RABL2B: variants seen among roughly 807,000 people sequenced by gnomAD.
RABL2B encodes the protein rab-like protein 2B.
Under a neutral mutation model 26.7 loss-of-function variants are expected in RABL2B, and 17 were observed. That is an observed-to-expected ratio of 0.64 (90% CI 0.44 to 0.95). The LOEUF (loss-of-function observed/expected upper bound fraction) is 0.95. Ranked by LOEUF, RABL2B falls within the 40% of genes least tolerant of loss-of-function variation. The probability of loss-of-function intolerance (pLI) is 0.00; values close to 1 mark genes in which losing one functional copy is unlikely to be tolerated. For missense variants in RABL2B, 170 were observed against 277.2 expected (o/e 0.61, Z 2.75); for synonymous variants, 70 against 103.9 (o/e 0.67, Z 1.99).
At chr22:50,780,685 G>A in intron 2 of RABL2B, 1 of 470,870 alleles carries the variant, frequency 2.1e-6, no homozygotes, top group South Asian at 1.5e-5. Flanking sequence ...TACTGCTAGT[G>A]GATGAAGACT....
At chr22:50,777,480 G>A (rs1286082273) in intron 3 of RABL2B, among the ~76,000 whole-genome samples, 1 of 141,850 alleles carries the variant, frequency 7.0e-6, no homozygotes, top group Non-Finnish European at 1.5e-5. Flanking sequence ...TCCCAGTTGC[G>A]GGGAGGAACT....
rs782781902 is a variant in RABL2B, at chr22:50,768,057, A to T, written c.*719T>A. The T allele has an allele frequency of 9.0e-3, 2,163 of 239,212 alleles. 14 individuals are homozygous for T. Among genetic ancestry groups the T allele is most frequent in the Non-Finnish European group, 0.013 (1,597 of 119,242 alleles). 14.8% of individuals were successfully genotyped at this position (239,212 alleles called of 1,614,324 possible). A position where few individuals can be genotyped will look rare whatever the true frequency, so the allele number is the denominator to read the frequency against. On this transcript the variant is annotated 3_prime_UTR_variant, in exon 9 of 9. Transcript: ENST00000691320. ...ATCACGAGGTGAGGAGATCGAGACC[A>T]TCCTGGGCAACATGGTGAAACCCCG...
Position 50,774,682 on chromosome 22 carries a change from T to C in RABL2B, c.297+1090A>G, listed in dbSNP as rs191765239. Among the ~76,000 whole-genome samples the C allele has an allele frequency of 1.2e-3, 175 of 150,628 alleles. 6 individuals carry two copies. Among genetic ancestry groups the C allele is most frequent in the Middle Eastern group, 3.4e-3 (1 of 292 alleles). ...CCTTGAATGCTATTCCAAGAAGTTT[T>C]AGTGACCAAGGTTTTCACTTGGTGA... On this transcript the variant is annotated intron_variant, in intron 5 of 8. Coordinates refer to ENST00000691320, the MANE Select transcript of RABL2B (RefSeq NM_001130919.3).
At chr22:50,780,495 A>G (rs529691488) in intron 2 of RABL2B, 4 of 333,336 alleles carry the variant, frequency 1.2e-5, no homozygotes, top group South Asian at 7.6e-5. Context: ...GGATGTGTTA[A>G]CCTCTTAATG....
chr22:50,780,057 G>T lies in RABL2B; in HGVS notation c.108-2076C>A, dbSNP rs566322278. ...CAAAAGAAATCTGGTCGGGTGCAGT[G>T]GCTCATGCCTGTAATGGCAGCTCAG... On this transcript the variant is annotated intron_variant, in intron 2 of 8. Coordinates refer to ENST00000691320, the MANE Select transcript of RABL2B (RefSeq NM_001130919.3). 5.7e-4 allele frequency among the ~76,000 whole-genome samples: 87 copies of T among 152,290 alleles called. No individual in the cohort carries two copies. The South Asian group carries it at 0.017, about 29-fold the overall frequency.
intron 3 of RABL2B, among the ~76,000 whole-genome samples, chr22:50,777,344 C>A: frequency 6.6e-6 from 1 of 150,894 alleles, no homozygotes; most frequent in East Asian, 1.9e-4. Flanking sequence ...GGTGGAGTAA[C>A]ACATACTCAG....
chr22:50,770,555 C>G (rs1168924282), intron 5 of RABL2B: 1 of 156,702 alleles, frequency 6.4e-6, no homozygotes, highest in Non-Finnish European at 1.4e-5. Flanking sequence ...TTTTTGTTAT[C>G]TTGTCATCTA....
intron 5 of RABL2B, chr22:50,772,639 A>G: frequency 6.9e-6 from 7 of 1,018,840 alleles, no homozygotes; most frequent in Non-Finnish European, 8.3e-6. Flanking sequence ...AGGGTCAGCA[A>G]CTGTCACATC....
chr22:50,782,365 C>G lies in RABL2B; in HGVS notation c.-53-18G>C. The G allele has an allele frequency of 7.7e-7, 1 of 1,293,198 alleles. No individual in the cohort carries two copies. The highest frequency in any genetic ancestry group is 1.1e-6 in the Non-Finnish European group (1 of 934,600). 80.1% of individuals were successfully genotyped at this position (1,293,198 alleles called of 1,614,324 possible). On this transcript the variant is annotated intron_variant, in intron 1 of 8. Transcript: ENST00000691320. ...TATTGTCACTGTCTGGGAAGATCAA[C>G]AAGAGGCTGTTGTCAGAGATAAGTC...
chr22:50,771,584 T>G (rs2084191203), intron 5 of RABL2B: 1 of 151,638 alleles, frequency 6.6e-6, no homozygotes, highest in Admixed American at 6.6e-5. Flanking sequence ...GCTGATTTAC[T>G]TTTAAGCTTC....
chr22:50,772,346 A>G, intron 5 of RABL2B: 6 of 985,438 alleles, frequency 6.1e-6, no homozygotes, highest in Non-Finnish European at 7.2e-6. Context: ...ACCTATTTTA[A>G]AATATCAGCA....
intron 5 of RABL2B, chr22:50,772,785 C>G (rs1326697152): frequency 2.6e-4 from 289 of 1,118,396 alleles, no homozygotes; most frequent in Non-Finnish European, 3.1e-4. Context: ...CTGCCTCACA[C>G]CAGGCTCAGA....
chr22:50,782,376 T>C (rs2086025429), intron 1 of RABL2B, 29 bp from the exon 2 acceptor site: 1 of 1,394,104 alleles, frequency 7.2e-7, no homozygotes, highest in Admixed American at 1.9e-5. Context: ...AAGAGGCTGT[T>C]GTCAGAGATA....
chr22:50,768,016 A>G lies in RABL2B; in HGVS notation c.*760T>C. The stretch of plus-strand genomic sequence containing the variant: ...ATGCCTGTAATCCCAGCACTTTGGG[A>G]GGCCGAGGCGGGCGGATCACGAGGT... On this transcript the variant is annotated 3_prime_UTR_variant, in exon 9 of 9. Coordinates refer to ENST00000691320, the MANE Select transcript of RABL2B (RefSeq NM_001130919.3). 7.0e-6 allele frequency: 2 copies of G among 283,990 alleles called. No individual in the cohort carries two copies. The highest frequency in any genetic ancestry group is 5.5e-5 in the South Asian group (2 of 36,230). 17.6% of individuals were successfully genotyped at this position (283,990 alleles called of 1,614,324 possible).
Position 50,770,004 on chromosome 22 carries a change from G to A in RABL2B, c.310C>T (p.Gln104Ter), listed in dbSNP as rs2083903109. ...AHACIMVFDVQRKVTYRNLST... is the reference protein window; with the variant it reads ...AHACIMVFDV ...AGGTTCCTATAGGTGACTTTCCTCT[G>A]TACATCAAACACCTGCAAAGGGCAG... Residue 104 changes from glutamine to a stop codon, truncating the protein, a stop_gained, in exon 6 of 9, where the codon CAG becomes TAG. Coordinates refer to ENST00000691320, the MANE Select transcript of RABL2B (RefSeq NM_001130919.3). LOFTEE classifies it high-confidence loss of function. The A allele has an allele frequency of 6.2e-7, 1 of 1,613,744 alleles. No homozygotes were observed. The highest frequency in any genetic ancestry group is 1.7e-5 in the Admixed American group (1 of 59,972).
chr22:50,773,293 G>C (rs1318213990), intron 5 of RABL2B, among the ~76,000 whole-genome samples: 1 of 152,142 alleles, frequency 6.6e-6, no homozygotes, highest in African/African-American at 2.4e-5. Flanking sequence ...TAAAGCTTTT[G>C]GAATTTTTCA....
chr22:50,775,520 A>G (rs1555922794), intron 5 of RABL2B, among the ~76,000 whole-genome samples: 1 of 152,098 alleles, frequency 6.6e-6, no homozygotes, highest in Non-Finnish European at 1.5e-5. Context: ...CTTGGATGCT[A>G]CACCTGATGT....
At chr22:50,770,046 C>G (rs782385651) in intron 5 of RABL2B, 30 bp from the exon 6 acceptor site, 28 of 1,613,642 alleles carry the variant, frequency 1.7e-5, no homozygotes, top group Non-Finnish European at 2.4e-5. Context: ...AAAGATAGCT[C>G]AGGTATGTCA....
rs1390285362 is a variant in RABL2B at position 50,776,481 on chromosome 22, T to C, written c.217+189A>G. Among the ~76,000 whole-genome samples the C allele has an allele frequency of 3.6e-5, 5 of 139,632 alleles. No homozygotes were observed. The East Asian group carries it at 6.1e-4, about 17-fold the overall frequency. The allele number at this position is 139,632 out of a possible 152,430, so 91.6% of individuals were successfully genotyped here. On this transcript the variant is annotated intron_variant, in intron 4 of 8. Transcript: ENST00000691320. ...GACGCCAGGTCAGAGGGCTGGGACT[T>C]GGCCCCTGCATGCCCCCTTCCACCC...
Sources: allele counts gnomAD v4.1 joint callset (sites outside exome capture counted in the v4.1 genomes callset), GRCh38; gene constraint gnomAD v4.1.1; transcripts MANE v1.5; gene names NCBI Gene and HGNC (gene_info 2026-07-23, HGNC 2026-07-21).